The following LNPEP variants were observed in gnomAD, a reference collection of about 807,000 sequenced individuals.
LNPEP encodes the protein leucyl and cystinyl aminopeptidase, also known as leucyl-cystinyl aminopeptidase.
In LNPEP, 64 loss-of-function variants were observed where a neutral mutation model predicts 120.6. The ratio of observed to expected loss-of-function variants is 0.53; its 90% CI spans 0.43 to 0.65. The LOEUF is 0.65. Ranked by LOEUF, LNPEP falls within the 30% of genes least tolerant of loss-of-function variation. The pLI is 0.00. For missense variants in LNPEP, 1,057 were observed against 1,200.0 expected, an observed-to-expected ratio of 0.88 and a Z score of 1.76; for synonymous variants, 435 against 425.4, an observed-to-expected ratio of 1.02 and a Z score of -0.28.
At chr5:97,003,825 T>C (rs543372475) in intron 9 of LNPEP, among the ~76,000 whole-genome samples, 123 of 152,158 alleles carry the variant, frequency 8.1e-4, no homozygotes, top group Middle Eastern at 6.8e-3. Context: ...TCCTATTTTG[T>C]AGGAAAGTTG....
At chr5:96,949,116 T>C (rs1180087767) in intron 1 of LNPEP, among the ~76,000 whole-genome samples, 1 of 152,252 alleles carries the variant, frequency 6.6e-6, no homozygotes, top group African/African-American at 2.4e-5. Flanking sequence ...GGATCCTAAT[T>C]CTTTACTAAG....
At position 96,979,419 on chromosome 5, in the gene LNPEP, G is replaced by A; in HGVS notation, c.301G>A (p.Gly101Arg). The A allele has an allele frequency of 1.2e-6, 2 of 1,614,078 alleles. No individual in the cohort carries two copies. Among genetic ancestry groups the A allele is most frequent in the South Asian group, 1.1e-5 (1 of 91,082 alleles). The change falls in exon 2 of 18, where the codon GGG becomes AGG. Residue 101 changes from glycine to arginine, a missense_variant. Physicochemically the swap from Gly to Arg is moderately radical, Grantham distance 125. Coordinates refer to ENST00000231368, the MANE Select transcript of LNPEP (RefSeq NM_005575.3). ...SATGYRQSPD[G>R]ACSVPSARTM... ...AACTGGTTACAGGCAGAGCCCAGATGGGGCTTGTTCAGTACCCTCTGCAAG... is the reference window on the plus strand; with the variant it reads ...AACTGGTTACAGGCAGAGCCCAGATAGGGCTTGTTCAGTACCCTCTGCAAG...
chr5:96,937,220 C>A (rs576013626), intron 1 of LNPEP: 1 of 152,318 alleles, frequency 6.6e-6, no homozygotes, highest in East Asian at 1.9e-4. Flanking sequence ...TTGTTAGTTA[C>A]CACTCAAGAG....
chr5:97,013,848 T>C lies in LNPEP; in HGVS notation c.2219+17T>C. The C allele has an allele frequency of 1.3e-6, 2 of 1,550,472 alleles. No individual in the cohort carries two copies. Among genetic ancestry groups the C allele is most frequent in the Non-Finnish European group, 1.7e-6 (2 of 1,151,776 alleles). On this transcript the variant is annotated intron_variant, in intron 12 of 17. Coordinates refer to ENST00000231368, the MANE Select transcript of LNPEP (RefSeq NM_005575.3). Reference sequence around the variant, plus strand: ...ACTTGCAGGGTAGAGTATACTTAGTTTGAGATTTTTTCTTTTTTTAAACAA... The same window carrying C: ...ACTTGCAGGGTAGAGTATACTTAGTCTGAGATTTTTTCTTTTTTTAAACAA...
chr5:96,967,937 C>T (rs1029163283), intron 1 of LNPEP, among the ~76,000 whole-genome samples: 13 of 152,092 alleles, frequency 8.5e-5, no homozygotes, highest in Admixed American at 3.9e-4. Flanking sequence ...TTTACTTATG[C>T]AGAAATTCTT....
At chr5:97,007,937 G>A (rs1487508802) in intron 11 of LNPEP, among the ~76,000 whole-genome samples, 1 of 152,114 alleles carries the variant, frequency 6.6e-6, no homozygotes, top group Non-Finnish European at 1.5e-5. Context: ...ACATGAATGT[G>A]CCAGTTTCAT....
intron 1 of LNPEP, among the ~76,000 whole-genome samples, chr5:96,949,458 CA>C (rs1789273568): frequency 6.6e-6 from 1 of 152,148 alleles, no homozygotes; most frequent in African/African-American, 2.4e-5. Flanking sequence ...ATCCCAAAAC[CA>C]TCATCCCTTC....
chr5:96,954,742 A>G (rs1193361605), intron 1 of LNPEP, among the ~76,000 whole-genome samples: 1 of 84,578 alleles, frequency 1.2e-5, no homozygotes, highest in Non-Finnish European at 2.4e-5. Context: ...ATACATATAT[A>G]TATACACATA....
intron 13 of LNPEP, among the ~76,000 whole-genome samples, chr5:97,016,106 A>C (rs1345181892): frequency 6.6e-6 from 1 of 152,042 alleles, no homozygotes; most frequent in Non-Finnish European, 1.5e-5. Flanking sequence ...TTTCTCCCCC[A>C]AAAGTTTCTG....
At position 97,028,602 on chromosome 5, in the gene LNPEP, CA is replaced by C. The variant is rs1791403780; in HGVS notation, c.*73del. On this transcript the variant is annotated 3_prime_UTR_variant, in exon 18 of 18. Coordinates refer to ENST00000231368, the MANE Select transcript of LNPEP (RefSeq NM_005575.3). ...GTAAGCTTGGGCTCTGCCGCTTTTG[CA>C]AAAGCCAAGGTAAAGCCAGGATCGC... 6.4e-7 allele frequency: 1 copy of C among 1,558,896 alleles called. No individual in the cohort carries two copies. The highest frequency in any genetic ancestry group is 1.8e-5 in the Admixed American group (1 of 54,966).
intron 1 of LNPEP, among the ~76,000 whole-genome samples, chr5:96,974,439 G>A (rs141661782): frequency 9.9e-5 from 15 of 152,064 alleles, no homozygotes; most frequent in African/African-American, 3.4e-4. Flanking sequence ...TGGATGCTAC[G>A]CCAGCATTTT....
intron 1 of LNPEP, among the ~76,000 whole-genome samples, chr5:96,940,626 A>G (rs1027162727): frequency 6.6e-6 from 1 of 152,266 alleles, no homozygotes; most frequent in Non-Finnish European, 1.5e-5. Flanking sequence ...GAAACTGTTC[A>G]TAACTGTTTG....
chr5:96,947,186 T>A (rs775979909), intron 1 of LNPEP, among the ~76,000 whole-genome samples: 3 of 152,192 alleles, frequency 2.0e-5, no homozygotes, highest in Non-Finnish European at 4.4e-5. Flanking sequence ...TACTTTATAT[T>A]GCTAAATCTA....
Position 96,996,460 on chromosome 5 carries a change from T to A in LNPEP, c.1478T>A (p.Met493Lys). 1 of 1,610,332 alleles carries A rather than the reference T, an allele frequency of 6.2e-7. No homozygotes were observed. Among genetic ancestry groups the A allele is most frequent in the Non-Finnish European group, 8.5e-7 (1 of 1,177,128 alleles). Residue 493 changes from methionine (M) to lysine (K), a missense_variant, in exon 7 of 18, where the codon ATG (methionine) becomes AAG (lysine). Met to Lys is a moderately conservative substitution (Grantham distance 95). Coordinates refer to ENST00000231368, the MANE Select transcript of LNPEP (RefSeq NM_005575.3). Reference sequence around the variant, plus strand: ...CTAAATGAAGGTTTTGCCACTTTCATGGAGTATTTCTCTTTGGAAAAAATA... The same window carrying A: ...CTAAATGAAGGTTTTGCCACTTTCAAGGAGTATTTCTCTTTGGAAAAAATA... The part of the protein sequence containing the change: ...LWLNEGFATF[M>K]EYFSLEKIFK...
chr5:96,997,560 G>A (rs1402612234), intron 7 of LNPEP, among the ~76,000 whole-genome samples: 3 of 152,000 alleles, frequency 2.0e-5, no homozygotes, highest in African/African-American at 4.8e-5. Context: ...ATTTAAAACC[G>A]ACCTCAGGTA....
chr5:97,022,761 A>G (rs1791236975), intron 14 of LNPEP, among the ~76,000 whole-genome samples: 1 of 145,378 alleles, frequency 6.9e-6, no homozygotes, highest in African/African-American at 2.5e-5. Flanking sequence ...AGCATTAGGT[A>G]TATCTCCTAA....
Position 97,019,514 on chromosome 5 carries a change from C to A in LNPEP, c.2377-2786C>A, listed in dbSNP as rs576231466. 3.1e-4 allele frequency among the ~76,000 whole-genome samples: 47 copies of A among 152,150 alleles called. No homozygotes were observed. The South Asian group carries it at 7.9e-3, about 26-fold the overall frequency. ...TGTTATAATTTGAAATACATTTAAA[C>A]AACTATTTTGAGAACTTGCCTTAAT... On this transcript the variant is annotated intron_variant, in intron 13 of 17. Transcript: ENST00000231368.
intron 1 of LNPEP, among the ~76,000 whole-genome samples, chr5:96,941,068 C>T (rs560737401): frequency 3.3e-5 from 5 of 152,108 alleles, no homozygotes; most frequent in African/African-American, 9.7e-5. Flanking sequence ...GAGCCCTGAG[C>T]TTGTTTTCCT....
chr5:97,014,542 A>C lies in LNPEP; in HGVS notation c.2220-397A>C, dbSNP rs180862193. On this transcript the variant is annotated intron_variant, in intron 12 of 17. Transcript: ENST00000231368. The stretch of plus-strand genomic sequence containing the variant: ...AAGTTTGAAAAACAAATTCCCATTA[A>C]ACCAACAAATAAAATTAAAAAAAGA... Among the ~76,000 whole-genome samples, 543 of 149,168 alleles carry C rather than the reference A, an allele frequency of 3.6e-3. 7 individuals carry two copies. The highest frequency in any genetic ancestry group is 0.027 in the Admixed American group (410 of 15,194).
Sources: gnomAD v4.1 joint callset for allele counts (sites outside exome capture counted in the v4.1 genomes callset) on GRCh38, gnomAD v4.1.1 for gene constraint, MANE v1.5 for transcripts, NCBI Gene and HGNC (gene_info 2026-07-23, HGNC 2026-07-21) for gene names.